The following SLC9D1 variants were observed in gnomAD, a reference collection of about 807,000 sequenced individuals.
SLC9D1 encodes the protein putative LAG1-interacting protein.
chr13:113,495,663 G>T, the SLC9D1 span: 1 of 1,606,030 alleles, frequency 6.2e-7, no homozygotes, highest in Non-Finnish European at 8.5e-7. Flanking sequence ...GCACGAGGAG[G>T]TGGCGCAGCG....
the SLC9D1 span, among the ~76,000 whole-genome samples, chr13:113,501,093 C>T: frequency 6.6e-6 from 1 of 152,136 alleles, no homozygotes; most frequent in Admixed American, 6.5e-5. Context: ...ATGGCAAAGC[C>T]ACGTGAATTA....
the SLC9D1 span, among the ~76,000 whole-genome samples, chr13:113,525,495 T>C: frequency 1.3e-5 from 2 of 152,254 alleles, no homozygotes; most frequent in African/African-American, 4.8e-5. Flanking sequence ...TAAAGAGAAG[T>C]AGAACTGTCA....
chr13:113,503,744 G>T, the SLC9D1 span: 1 of 579,604 alleles, frequency 1.7e-6, no homozygotes, highest in Non-Finnish European at 3.0e-6. Flanking sequence ...GACAAATTCA[G>T]AAAGATAAAA....
chr13:113,520,639 C>T, the SLC9D1 span: 6 of 1,613,742 alleles, frequency 3.7e-6, no homozygotes, highest in Non-Finnish European at 5.1e-6. Context: ...CAGCACCGTG[C>T]TCCTCGGCAT....
the SLC9D1 span, among the ~76,000 whole-genome samples, chr13:113,493,405 C>G: frequency 5.7e-3 from 862 of 152,250 alleles, 11 homozygotes; most frequent in African/African-American, 0.02. Context: ...TAAAAGTTCA[C>G]TTGTGAAGTA....
chr13:113,504,458 C>T, the SLC9D1 span: 12 of 152,088 alleles, frequency 7.9e-5, no homozygotes, highest in Non-Finnish European at 2.9e-5. Flanking sequence ...TACACTGCTC[C>T]CGATGTGTAG....
chr13:113,539,454 C>T, the SLC9D1 span: 3 of 1,613,688 alleles, frequency 1.9e-6, no homozygotes, highest in East Asian at 6.7e-5. This position sits in a 1 kb window ranked among gnomAD's most constrained non-coding sequence, Gnocchi z 4.8. Flanking sequence ...GAGATCGCCA[C>T]CTCCATCGAA....
chr13:113,495,498 TC>T, the SLC9D1 span: 1 of 943,502 alleles, frequency 1.1e-6, no homozygotes, highest in African/African-American at 1.7e-5. Context: ...TAACTCTTTT[TC>T]AGCTGAAAAT....
chr13:113,503,346 TGTGTGTGTGTGTGTGTGTGTG>T, the SLC9D1 span: 8 of 155,220 alleles, frequency 5.2e-5, no homozygotes, highest in African/African-American at 2.3e-4. Context: ...ACTGTGTGAT[TGTGTGTGTGTGTGTGTGTGTG>T]TGTGTGTGTG....
chr13:113,520,723 G>T, the SLC9D1 span: 1 of 1,608,480 alleles, frequency 6.2e-7, no homozygotes, highest in East Asian at 2.2e-5. Context: ...GGGCGCCAGT[G>T]CATCTTCTAG....
chr13:113,503,926 T>C, the SLC9D1 span: 2 of 199,042 alleles, frequency 1.0e-5, no homozygotes, highest in Non-Finnish European at 2.0e-5. Context: ...ATTCAGTGTG[T>C]TACCCTAGAA....
the SLC9D1 span, among the ~76,000 whole-genome samples, chr13:113,537,901 G>A: frequency 6.6e-5 from 10 of 152,104 alleles, no homozygotes; most frequent in East Asian, 1.5e-3. Context: ...GTGTGTGTGC[G>A]TGCATGTGCA....
the SLC9D1 span, chr13:113,529,103 T>C: frequency 6.6e-6 from 1 of 152,274 alleles, no homozygotes. Context: ...AGGTCTAACA[T>C]GCTGGCATAA....
the SLC9D1 span, among the ~76,000 whole-genome samples, chr13:113,502,862 C>T: frequency 0.19 from 28,169 of 152,148 alleles, 3,452 homozygotes; most frequent in African/African-American, 0.35. Flanking sequence ...CGCAGGGCGG[C>T]AGGAGGGGTC....
chr13:113,543,170 G>GTCCGT, the SLC9D1 span, among the ~76,000 whole-genome samples: 3 of 49,316 alleles, frequency 6.1e-5, no homozygotes, highest in South Asian at 9.2e-4. Context: ...ACCTCTGTCC[G>GTCCGT]GACCCCACCT....
chr13:113,503,006 CTCTGG>C, the SLC9D1 span, among the ~76,000 whole-genome samples: 11 of 152,234 alleles, frequency 7.2e-5, no homozygotes, highest in African/African-American at 2.7e-4. Flanking sequence ...GCAGAATGGC[CTCTGG>C]GAAGAACGGC....
chr13:113,506,566 T>C, the SLC9D1 span, among the ~76,000 whole-genome samples: 6 of 151,744 alleles, frequency 4.0e-5, no homozygotes, highest in African/African-American at 1.5e-4. Flanking sequence ...TGAGTGTGTG[T>C]GTGTGTGTGT....
At chr13:113,504,767 G>T in the SLC9D1 span, 130 of 152,214 alleles carry the variant, frequency 8.5e-4, no homozygotes, top group African/African-American at 3.0e-3. Flanking sequence ...ACTGCAAATC[G>T]TGCTGCTCTA....
At chr13:113,505,268 T>C in the SLC9D1 span, 1 of 152,226 alleles carries the variant, frequency 6.6e-6, no homozygotes, top group Non-Finnish European at 1.5e-5. Flanking sequence ...ACACTCTTTT[T>C]GGAGAGCTGT....
Sources: gnomAD v4.1 joint callset for allele counts (sites outside exome capture counted in the v4.1 genomes callset) on GRCh38, gnomAD v4.1.1 for gene constraint, Gnocchi (gnomAD v3.1) non-coding constraint, MANE v1.5 for transcripts, NCBI Gene and HGNC (gene_info 2026-07-23, HGNC 2026-07-21) for gene names.